Variants in RESF1 observed in about 807,000 individuals in gnomAD.
The protein encoded by RESF1 is gonad expressed transcript.
A neutral mutation model predicts 134.7 loss-of-function variants in RESF1; 65 were observed. The observed-to-expected ratio is 0.48, with a 90% CI of 0.40 to 0.59. The LOEUF (loss-of-function observed/expected upper bound fraction) is 0.59, where lower values mean the gene tolerates loss of function less well. Among genes scored for constraint, RESF1 ranks in the 20% least tolerant of loss-of-function variants. RESF1 has a pLI of 0.00. For synonymous variants in RESF1, 762 were observed against 702.2 expected, an observed-to-expected ratio of 1.09 and a Z score of -1.35; for missense variants, 2,274 against 2,002.7, an observed-to-expected ratio of 1.14 and a Z score of -2.59.
Position 31,984,476 on chromosome 12 carries a change from C to T in RESF1, c.3521C>T (p.Ala1174Val). Reference protein sequence around the residue: ...DSEKDDIHCCALGWLSMVYEG... With the variant: ...DSEKDDIHCCVLGWLSMVYEG... ...GAGAAAGATGATATCCACTGCTGTGCATTGGGCTGGCTCTCCATGGTTTAC... is the reference window on the plus strand; with the variant it reads ...GAGAAAGATGATATCCACTGCTGTGTATTGGGCTGGCTCTCCATGGTTTAC... Residue 1174 changes from alanine to valine, a missense_variant, in exon 4 of 6, where the codon GCA becomes GTA. Ala to Val is a moderately conservative substitution (Grantham distance 64). Transcript: ENST00000312561. The T allele has an allele frequency of 6.2e-7, 1 of 1,612,680 alleles. No individual in the cohort carries two copies. Among genetic ancestry groups the T allele is most frequent in the East Asian group, 2.2e-5 (1 of 44,834 alleles).
Position 31,973,204 on chromosome 12 carries a change from C to T in RESF1, c.-79+2848C>T, listed in dbSNP as rs57064515. On this transcript the variant is annotated intron_variant, in intron 3 of 5. Transcript: ENST00000312561. ...GTGTTAGAATATATTCTTGAAAGTTCTAAGAATACATTATATCCACAAGTA... is the reference window on the plus strand; with the variant it reads ...GTGTTAGAATATATTCTTGAAAGTTTTAAGAATACATTATATCCACAAGTA... Among the ~76,000 whole-genome samples the T allele has an allele frequency of 8.1e-3, 1,234 of 152,162 alleles. 16 individuals are homozygous for T. The highest frequency in any genetic ancestry group is 0.027 in the African/African-American group (1,140 of 41,494).
At chr12:31,966,965 T>A (rs1939411783) in intron 2 of RESF1, among the ~76,000 whole-genome samples, 1 of 152,224 alleles carries the variant, frequency 6.6e-6, no homozygotes, top group Non-Finnish European at 1.5e-5. Context: ...AATCACAGGC[T>A]GACCCATATT....
At chr12:31,978,626 A>C (rs1251002617) in intron 3 of RESF1, among the ~76,000 whole-genome samples, 1 of 151,072 alleles carries the variant, frequency 6.6e-6, no homozygotes, top group Non-Finnish European at 1.5e-5. Flanking sequence ...GCTCATTGCA[A>C]CCTCCACCTC....
In RESF1 at chr12:31,992,764, A is replaced by G. The variant is rs1482442556; in HGVS notation, c.*229A>G. 1 of 500,118 alleles carries G rather than the reference A, an allele frequency of 2.0e-6. No individual in the cohort carries two copies. Among genetic ancestry groups the G allele is most frequent in the African/African-American group, 1.9e-5 (1 of 51,560 alleles). The allele number at this position is 500,118 out of a possible 1,614,324, so 31.0% of individuals were successfully genotyped here. A position where few individuals can be genotyped will look rare whatever the true frequency, so the allele number is the denominator to read the frequency against. On this transcript the variant is annotated 3_prime_UTR_variant, in exon 6 of 6. Transcript: ENST00000312561. ...GGGGAAACAAGGTATTTGAATTTCTACTTTATTGAACCAGATTTACCATTA... is the reference window on the plus strand; with the variant it reads ...GGGGAAACAAGGTATTTGAATTTCTGCTTTATTGAACCAGATTTACCATTA...
Position 31,992,579 on chromosome 12 carries a change from C to T in RESF1, c.*44C>T. 7 of 1,562,978 alleles carry T rather than the reference C, an allele frequency of 4.5e-6. No individual in the cohort carries two copies. The highest frequency in any genetic ancestry group is 1.1e-5 in the South Asian group (1 of 87,488). ...TAATTGCCACTGGGAAATTTCTTTC[C>T]TTTTCTGTTCAAAATATTTCGCTGA... On this transcript the variant is annotated 3_prime_UTR_variant, in exon 6 of 6. Transcript: ENST00000312561.
At chr12:31,962,194 G>T (rs1592247849) in intron 2 of RESF1, among the ~76,000 whole-genome samples, 1 of 150,608 alleles carries the variant, frequency 6.6e-6, no homozygotes, top group African/African-American at 2.5e-5. Context: ...CTGCAGCCTG[G>T]GTAACAGAGC....
At position 31,983,308 on chromosome 12, in the gene RESF1, C is replaced by G; in HGVS notation, c.2353C>G (p.Pro785Ala). 4 of 1,613,944 alleles carry G rather than the reference C, an allele frequency of 2.5e-6. No individual in the cohort carries two copies. The highest frequency in any genetic ancestry group is 3.4e-6 in the Non-Finnish European group (4 of 1,179,924). ...SVKGITPAVL[P>A]ETVYPVIKEG... ...CAAAGGAATAACACCTGCAGTGTTA[C>G]CTGAAACAGTGTATCCCGTTATTAA... is the stretch of plus-strand genomic sequence containing the variant. The change falls in exon 4 of 6, where the codon CCT becomes GCT. Residue 785 changes from proline to alanine, a missense_variant. By Grantham distance (27) the Pro-to-Ala change is conservative (BLOSUM62 -1). Coordinates refer to ENST00000312561, the MANE Select transcript of RESF1 (RefSeq NM_018169.4).
At chr12:31,975,135 A>T (rs1387170152) in intron 3 of RESF1, among the ~76,000 whole-genome samples, 1 of 152,004 alleles carries the variant, frequency 6.6e-6, no homozygotes, top group Non-Finnish European at 1.5e-5. Flanking sequence ...TGAGTCAGGC[A>T]TGGTGGCGCG....
At chr12:31,970,106 T>A (rs552688819) in intron 2 of RESF1, 83 bp from the exon 3 acceptor site, 5 of 152,368 alleles carry the variant, frequency 3.3e-5, no homozygotes, top group African/African-American at 1.2e-4. Flanking sequence ...GAATATTTTT[T>A]AAATTTCACA....
At chr12:31,991,904 G>A (rs1940099750) in intron 5 of RESF1, among the ~76,000 whole-genome samples, 1 of 152,194 alleles carries the variant, frequency 6.6e-6, no homozygotes, top group South Asian at 2.1e-4. Flanking sequence ...TGAAGCTAAT[G>A]TAACACTGAA....
intron 3 of RESF1, among the ~76,000 whole-genome samples, chr12:31,973,538 C>G (rs1204734511): frequency 6.6e-6 from 1 of 152,092 alleles, no homozygotes; most frequent in East Asian, 1.9e-4. Flanking sequence ...CTATGTTGTT[C>G]AAGGGTCGAT....
At position 31,985,763 on chromosome 12, in the gene RESF1, C is replaced by A; in HGVS notation, c.4808C>A (p.Ser1603Ter). 6.3e-7 allele frequency: 1 copy of A among 1,575,254 alleles called. No homozygotes were observed. The highest frequency in any genetic ancestry group is 1.2e-5 in the South Asian group (1 of 83,950). The change falls in exon 4 of 6, where the codon TCA becomes TAA. Residue 1603 changes from serine to a stop codon, truncating the protein, a stop_gained. Transcript: ENST00000312561. LOFTEE classifies it high-confidence loss of function. ...ESISLTKLES[S>*]PRKLHKDKRQ... ...ATTTCTCTCACCAAATTAGAAAGTTCACCCAGGAAGCTTCATAAAGATAAG... is the reference window on the plus strand; with the variant it reads ...ATTTCTCTCACCAAATTAGAAAGTTAACCCAGGAAGCTTCATAAAGATAAG...
At chr12:31,964,358 C>T (rs1592249242) in intron 2 of RESF1, among the ~76,000 whole-genome samples, 1 of 152,048 alleles carries the variant, frequency 6.6e-6, no homozygotes, top group Non-Finnish European at 1.5e-5. Flanking sequence ...GTGTTCTCAT[C>T]ATTTAGCTCC....
chr12:31,980,750 T>A (rs1939763346), intron 3 of RESF1, 128 bp from the exon 4 acceptor site: 1 of 487,418 alleles, frequency 2.1e-6, no homozygotes, highest in Non-Finnish European at 3.6e-6. Context: ...TTGCTCCTCT[T>A]CTTCCCAAAT....
At chr12:31,979,600 C>T (rs1431543807) in intron 3 of RESF1, among the ~76,000 whole-genome samples, 1 of 151,888 alleles carries the variant, frequency 6.6e-6, no homozygotes, top group Non-Finnish European at 1.5e-5. Context: ...TGGAGTGGTG[C>T]CACCATGGCT....
At chr12:31,989,264 C>T (rs1404606355) in intron 5 of RESF1, among the ~76,000 whole-genome samples, 12 of 151,036 alleles carry the variant, frequency 7.9e-5, no homozygotes, top group African/African-American at 2.9e-4. Context: ...AGTGTGGTGG[C>T]GGGCACCTGT....
At position 31,985,349 on chromosome 12, in the gene RESF1, A is replaced by G; in HGVS notation, c.4394A>G (p.Lys1465Arg). 1.9e-6 allele frequency: 3 copies of G among 1,610,672 alleles called. No homozygotes were observed. The highest frequency in any genetic ancestry group is 2.5e-6 in the Non-Finnish European group (3 of 1,179,300). Residue 1465 changes from lysine (K) to arginine (R), a missense_variant, in exon 4 of 6, where the codon AAG becomes AGG. Coordinates refer to ENST00000312561, the MANE Select transcript of RESF1 (RefSeq NM_018169.4). Reference protein sequence around the residue: ...HKEALSNKASKKICVKNVPCD... With the variant: ...HKEALSNKASRKICVKNVPCD... ...GAAGCTCTGAGTAATAAAGCATCGA[A>G]GAAAATCTGTGTGAAAAACGTGCCA...
chr12:31,963,253 GGAGAAT>G (rs1177735595), intron 2 of RESF1, among the ~76,000 whole-genome samples: 1 of 151,874 alleles, frequency 6.6e-6, no homozygotes, highest in East Asian at 1.9e-4. Context: ...GGCTGAGATA[GGAGAAT>G]TGCTTGAACC....
At position 31,984,427 on chromosome 12, in the gene RESF1, C is replaced by T. The variant is rs375678424; in HGVS notation, c.3472C>T (p.Arg1158Cys). ...DLQAPAAGQS[R>C]DSVILDSEKD... ...GCAGGCACCTGCAGCTGGACAAAGT[C>T]GTGATTCTGTGATACTGGACTCTGA... Residue 1158 changes from arginine (R) to cysteine (C), a missense_variant, in exon 4 of 6, where the codon CGT becomes TGT. By Grantham distance (180) the Arg-to-Cys change is radical. Coordinates refer to ENST00000312561, the MANE Select transcript of RESF1 (RefSeq NM_018169.4). 61 of 1,614,092 alleles carry T rather than the reference C, an allele frequency of 3.8e-5. No individual in the cohort carries two copies. In the African/African-American group the frequency reaches 6.5e-4, roughly 17 times the overall value.
Sources: gnomAD v4.1 joint callset for allele counts (sites outside exome capture counted in the v4.1 genomes callset) on GRCh38, gnomAD v4.1.1 for gene constraint, MANE v1.5 for transcripts, NCBI Gene and HGNC (gene_info 2026-07-23, HGNC 2026-07-21) for gene names.